XIRP2: variants seen among roughly 807,000 people sequenced by gnomAD.
XIRP2 encodes the protein xin actin binding repeat containing 2.
In XIRP2, 236 loss-of-function variants were observed where a neutral mutation model predicts 277.0. That is an observed-to-expected ratio of 0.85 (90% CI 0.77 to 0.95). XIRP2 has a LOEUF of 0.95. Ranked by LOEUF, XIRP2 falls within the 40% of genes least tolerant of loss-of-function variation. The probability of loss-of-function intolerance (pLI) is 0.00; values close to 1 mark genes in which losing one functional copy is unlikely to be tolerated. For missense variants in XIRP2, 4,640 were observed against 4,157.5 expected (o/e 1.12, Z -3.19); for synonymous variants, 1,490 against 1,416.5 (o/e 1.05, Z -1.17).
intron 2 of XIRP2, among the ~76,000 whole-genome samples, chr2:167,110,989 T>C (rs1202883038): frequency 6.6e-6 from 1 of 152,106 alleles, no homozygotes; most frequent in African/African-American, 2.4e-5. Context: ...TGTTGGTGTA[T>C]AGGAGTGCTA....
At chr2:167,026,805 A>G (rs1419086976) in intron 2 of XIRP2, among the ~76,000 whole-genome samples, 1 of 151,994 alleles carries the variant, frequency 6.6e-6, no homozygotes, top group Non-Finnish European at 1.5e-5. Context: ...TGGGTTGAAT[A>G]TTCTTTTCTT....
At chr2:166,938,947 A>T (rs1457633406) in intron 2 of XIRP2, among the ~76,000 whole-genome samples, 1 of 152,116 alleles carries the variant, frequency 6.6e-6, no homozygotes, top group African/African-American at 2.4e-5. Context: ...TTTGCTTGGT[A>T]GATCTTCCTC....
chr2:166,950,439 T>G (rs1685996922), intron 2 of XIRP2, among the ~76,000 whole-genome samples: 1 of 151,994 alleles, frequency 6.6e-6, no homozygotes, highest in Admixed American at 6.6e-5. Context: ...GTTGTTACTT[T>G]TGGCAGCTCA....
Position 167,245,149 on chromosome 2 carries a change from G to T in XIRP2, c.3757G>T (p.Glu1253Ter), listed in dbSNP as rs751292919. Residue 1253 changes from glutamate to a stop codon, truncating the protein, a stop_gained, in exon 9 of 11, where the codon GAA becomes TAA. Coordinates refer to ENST00000409195, the MANE Select transcript of XIRP2 (RefSeq NM_152381.6). LOFTEE classifies it high-confidence loss of function. ...FENQPIDKIK[E>*]SQEGDECVKT... ...AAACCAACCAATTGATAAGATAAAAGAAAGCCAAGAAGGTGATGAATGTGT... is the reference window on the plus strand; with the variant it reads ...AAACCAACCAATTGATAAGATAAAATAAAGCCAAGAAGGTGATGAATGTGT... 1 of 1,612,858 alleles carries T rather than the reference G, an allele frequency of 6.2e-7. No individual in the cohort carries two copies. Among genetic ancestry groups the T allele is most frequent in the Admixed American group, 1.7e-5 (1 of 59,862 alleles).
chr2:167,206,055 G>C (rs539925933), intron 3 of XIRP2, among the ~76,000 whole-genome samples: 1 of 152,042 alleles, frequency 6.6e-6, no homozygotes, highest in Admixed American at 6.6e-5. Flanking sequence ...AGTGTTCGGC[G>C]TTGTAAAGGA....
In XIRP2 at chr2:167,250,922, G is replaced by T. The variant is rs1574001232; in HGVS notation, c.9530G>T (p.Ser3177Ile). ...AACACTTCCCCTTCTCCACCCAGGA[G>T]TCGCTCTGAACAACTTGTCAGACTC... Reference protein sequence around the residue: ...RANTSPSPPRSRSEQLVRLKD... With the variant: ...RANTSPSPPRIRSEQLVRLKD... The change falls in exon 9 of 11, where the codon AGT becomes ATT. Residue 3177 changes from serine to isoleucine, a missense_variant. Coordinates refer to ENST00000409195, the MANE Select transcript of XIRP2 (RefSeq NM_152381.6). 3 of 1,613,260 alleles carry T rather than the reference G, an allele frequency of 1.9e-6. No individual in the cohort carries two copies. The East Asian group carries it at 6.7e-5, about 36-fold the overall frequency.
intron 3 of XIRP2, among the ~76,000 whole-genome samples, chr2:167,163,242 A>T (rs1692422192): frequency 6.6e-6 from 1 of 152,166 alleles, no homozygotes; most frequent in African/African-American, 2.4e-5. Context: ...GAAACCATCA[A>T]ACTGTTTTCC....
chr2:166,901,907 A>G (rs537840553), intron 1 of XIRP2, among the ~76,000 whole-genome samples: 1 of 152,186 alleles, frequency 6.6e-6, no homozygotes, highest in South Asian at 2.1e-4. Flanking sequence ...AAGCACTCGC[A>G]TCTAGGAGGC....
chr2:167,073,310 TTTTAAG>T (rs1183129230), intron 2 of XIRP2, among the ~76,000 whole-genome samples: 3 of 152,160 alleles, frequency 2.0e-5, no homozygotes, highest in Non-Finnish European at 4.4e-5. Context: ...GACATCAGTT[TTTTAAG>T]TTTAAGGAAA....
intron 2 of XIRP2, among the ~76,000 whole-genome samples, chr2:166,942,351 C>A (rs1468808903): frequency 6.6e-6 from 1 of 152,142 alleles, no homozygotes; most frequent in African/African-American, 2.4e-5. Context: ...TTTTGTGTAG[C>A]CCACATGCTT....
chr2:167,032,493 A>G (rs1688391896), intron 2 of XIRP2, among the ~76,000 whole-genome samples: 1 of 152,216 alleles, frequency 6.6e-6, no homozygotes, highest in Non-Finnish European at 1.5e-5. Context: ...AAAAGAACCT[A>G]TCATCAGAGT....
At chr2:166,910,790 C>T (rs968446731) in intron 2 of XIRP2, among the ~76,000 whole-genome samples, 8 of 152,140 alleles carry the variant, frequency 5.3e-5, no homozygotes, top group African/African-American at 1.7e-4. Flanking sequence ...TTGAATGTGT[C>T]CCAGAGATTC....
At chr2:167,116,615 T>A (rs1288801616) in intron 2 of XIRP2, among the ~76,000 whole-genome samples, 1 of 152,232 alleles carries the variant, frequency 6.6e-6, no homozygotes, top group East Asian at 1.9e-4. Context: ...TGTGATTAGA[T>A]CATTTACATT....
intron 3 of XIRP2, among the ~76,000 whole-genome samples, chr2:167,179,106 G>A (rs1194387470): frequency 2.0e-5 from 3 of 151,858 alleles, no homozygotes; most frequent in South Asian, 2.1e-4. Flanking sequence ...CTAAAGCTGT[G>A]TTCTTTTTAT....
chr2:167,177,348 G>A (rs1161267519), intron 3 of XIRP2, among the ~76,000 whole-genome samples: 1 of 152,128 alleles, frequency 6.6e-6, no homozygotes, highest in Non-Finnish European at 1.5e-5. Flanking sequence ...TTATATGTAT[G>A]AATGTAGAGT....
chr2:167,092,157 G>A (rs916392251), intron 2 of XIRP2, among the ~76,000 whole-genome samples: 1 of 152,056 alleles, frequency 6.6e-6, no homozygotes, highest in African/African-American at 2.4e-5. Context: ...TGGATTCCTG[G>A]AAGTAAATTC....
chr2:167,088,007 A>G (rs1022283900), intron 2 of XIRP2, among the ~76,000 whole-genome samples: 3 of 152,160 alleles, frequency 2.0e-5, no homozygotes, highest in East Asian at 1.9e-4. Flanking sequence ...TACATAAAAG[A>G]TGATAAGTTT....
intron 4 of XIRP2, among the ~76,000 whole-genome samples, chr2:167,215,288 T>C (rs965508697): frequency 1.2e-4 from 18 of 152,190 alleles, no homozygotes; most frequent in African/African-American, 3.6e-4. Flanking sequence ...TTAAAGTTTG[T>C]TGCAGAATTT....
chr2:167,024,551 T>C (rs1326556368), intron 2 of XIRP2, among the ~76,000 whole-genome samples: 1 of 152,156 alleles, frequency 6.6e-6, no homozygotes, highest in Admixed American at 6.5e-5. Flanking sequence ...AGGCAATGCT[T>C]CCAGTTTTTG....
Sources: allele counts gnomAD v4.1 joint callset (sites outside exome capture counted in the v4.1 genomes callset), GRCh38; gene constraint gnomAD v4.1.1; transcripts MANE v1.5; gene names NCBI Gene and HGNC (gene_info 2026-07-23, HGNC 2026-07-21).